The following KIF20A variants were observed in gnomAD, a reference collection of about 807,000 sequenced individuals.
KIF20A encodes kinesin-like protein KIF20A.
A neutral mutation model predicts 113.0 loss-of-function variants in KIF20A; 66 were observed. The ratio of observed to expected loss-of-function variants is 0.58; its 90% CI spans 0.48 to 0.72. The LOEUF (loss-of-function observed/expected upper bound fraction) is 0.72. Ranked by LOEUF, KIF20A falls within the 30% of genes least tolerant of loss-of-function variation. The pLI is 0.00. For synonymous variants in KIF20A, 376 were observed against 402.3 expected (o/e 0.93, Z 0.78); for missense variants, 927 against 1,077.6 (o/e 0.86, Z 1.96).
chr5:138,183,409 G>T lies in KIF20A; in HGVS notation c.1027+46G>T. The stretch of plus-strand genomic sequence containing the variant: ...CTGGCATGAACCCTGGAGGGCAACT[G>T]GGGAGAGACTGGCAAAAGAGTTGGA... On this transcript the variant is annotated intron_variant, in intron 8 of 18. Transcript: ENST00000394894. This position sits in a 1 kb window ranked among gnomAD's most constrained non-coding sequence, Gnocchi z 5.2. 6.2e-7 allele frequency: 1 copy of T among 1,612,230 alleles called. No individual in the cohort carries two copies. Among genetic ancestry groups the T allele is most frequent in the Non-Finnish European group, 8.5e-7 (1 of 1,178,352 alleles).
intron 4 of KIF20A, 63 bp downstream of exon 4, chr5:138,181,791 T>C: frequency 6.4e-7 from 1 of 1,574,146 alleles, no homozygotes; most frequent in Non-Finnish European, 8.7e-7. Flanking sequence ...ATTCCCTCTT[T>C]AGAGGGAAAG....
chr5:138,187,591 GTTTT>G lies in KIF20A; in HGVS notation c.*184_*187del, dbSNP rs201817182. The G allele has an allele frequency of 1.0e-5, 5 of 480,078 alleles. No homozygotes were observed. The highest frequency in any genetic ancestry group is 1.8e-5 in the Non-Finnish European group (5 of 276,580). The allele number at this position is 480,078 out of a possible 1,614,324, so 29.7% of individuals were successfully genotyped here. On this transcript the variant is annotated 3_prime_UTR_variant, in exon 19 of 19. Coordinates refer to ENST00000394894, the MANE Select transcript of KIF20A (RefSeq NM_005733.3). The stretch of plus-strand genomic sequence containing the variant: ...ACCACCTATGTAATCTCATGTTGTT[GTTTT>G]TTTTTATTTACTTATATGATTTCTA...
intron 16 of KIF20A, 116 bp downstream of exon 16, chr5:138,185,826 C>A: frequency 7.5e-7 from 1 of 1,326,416 alleles, no homozygotes; most frequent in East Asian, 2.4e-5. Flanking sequence ...GCTACATCCC[C>A]CTGACATTTC....
At chr5:138,182,178 G>C in intron 4 of KIF20A, 145 bp from the exon 5 acceptor site, 1 of 843,084 alleles carries the variant, frequency 1.2e-6, no homozygotes, top group Non-Finnish European at 1.9e-6. Context: ...TCAGTGTTTA[G>C]GGAACAGCCA....
chr5:138,186,451 C>A lies in KIF20A; in HGVS notation c.2355+20C>A, dbSNP rs1185271888. On this transcript the variant is annotated intron_variant, in intron 18 of 18. Transcript: ENST00000394894. ...AAACAGGTTAGGGCAAACTATATACCCACTTCTGTCCTACCAGCCCACTCC... is the reference window on the plus strand; with the variant it reads ...AAACAGGTTAGGGCAAACTATATACACACTTCTGTCCTACCAGCCCACTCC... The A allele has an allele frequency of 2.5e-6, 4 of 1,604,446 alleles. No homozygotes were observed. The South Asian group carries it at 4.5e-5, about 18-fold the overall frequency.
In KIF20A at chr5:138,182,669, G is replaced by C. The variant is rs750125537; in HGVS notation, c.598G>C (p.Asp200His). 2.4e-5 allele frequency: 38 copies of C among 1,613,996 alleles called. No homozygotes were observed. The highest frequency in any genetic ancestry group is 2.0e-4 in the Admixed American group (12 of 60,000). Residue 200 changes from aspartate to histidine, a missense_variant, in exon 6 of 19, where the codon GAT becomes CAT. Physicochemically the swap from Asp to His is moderately conservative, Grantham distance 81. Transcript: ENST00000394894. ...CCAAGGCCAACTTCATCCAACACCT[G>C]ATCTGAAGCCCTTGCTCTCCAATGA... Reference protein sequence around the residue: ...SLQGQLHPTPDLKPLLSNEVI... With the variant: ...SLQGQLHPTPHLKPLLSNEVI...
chr5:138,187,341 C>T lies in KIF20A; in HGVS notation c.2601C>T (p.Ser867=). 1 of 1,614,194 alleles carries T rather than the reference C, an allele frequency of 6.2e-7. No individual in the cohort carries two copies. The highest frequency in any genetic ancestry group is 8.5e-7 in the Non-Finnish European group (1 of 1,180,030). Residue 867 remains serine (S), a synonymous_variant, in exon 19 of 19, where the codon AGC becomes AGT. Transcript: ENST00000394894. ...CCTGCCAAAGCTCAACAGACTGCAG[C>T]CCTTATGCCCGGATCCTACGCTCAC... The part of the protein sequence containing the change: ...TPTCQSSTDC[S]PYARILRSRR...
chr5:138,184,447 GT>G, intron 12 of KIF20A, 43 bp downstream of exon 12: 1 of 1,612,824 alleles, frequency 6.2e-7, no homozygotes, highest in South Asian at 1.1e-5. Context: ...CTTGGAACTG[GT>G]AACTCTAAGA....
rs900399771 is a variant in KIF20A, at chr5:138,183,112, C to T, written c.833-57C>T. 2 of 1,602,304 alleles carry T rather than the reference C, an allele frequency of 1.2e-6. No homozygotes were observed. Among genetic ancestry groups the T allele is most frequent in the Admixed American group, 3.4e-5 (2 of 59,386 alleles). The stretch of plus-strand genomic sequence containing the variant: ...GTCTGCCTTCCAAGGCCCCTGCAGG[C>T]CAAAAGAGAGGTGAACTGCTCTAGG... On this transcript the variant is annotated intron_variant, in intron 7 of 18. Transcript: ENST00000394894. This position sits in a 1 kb window ranked among gnomAD's most constrained non-coding sequence, Gnocchi z 5.2.
chr5:138,183,001 T>G lies in KIF20A; in HGVS notation c.832+11T>G. The G allele has an allele frequency of 6.2e-7, 1 of 1,613,992 alleles. No individual in the cohort carries two copies. Among genetic ancestry groups the G allele is most frequent in the Non-Finnish European group, 8.5e-7 (1 of 1,179,988 alleles). On this transcript the variant is annotated intron_variant, in intron 7 of 18. Coordinates refer to ENST00000394894, the MANE Select transcript of KIF20A (RefSeq NM_005733.3). This position sits in a 1 kb window ranked among gnomAD's most constrained non-coding sequence, Gnocchi z 5.2. ...GTAGCCAGCTGGATGGTATGTACCG[T>G]GACTGGGCTCTGCCAAAAAATAGTA...
At position 138,185,151 on chromosome 5, in the gene KIF20A, A is replaced by G; in HGVS notation, c.1880A>G (p.Asn627Ser). 6.2e-7 allele frequency: 1 copy of G among 1,614,058 alleles called. No homozygotes were observed. The highest frequency in any genetic ancestry group is 8.5e-7 in the Non-Finnish European group (1 of 1,179,938). ...LLEEMYEEKL[N>S]ILKESLTSFY... ...GAGGAAATGTATGAAGAAAAACTAA[A>G]TATCCTCAAGGAGTCACTGACAAGT... The change falls in exon 15 of 19, where the codon AAT becomes AGT. Residue 627 changes from asparagine to serine, a missense_variant. Transcript: ENST00000394894.
chr5:138,179,332 G>A (rs1754591456), intron 1 of KIF20A, 130 bp downstream of exon 1: 1 of 285,904 alleles, frequency 3.5e-6, no homozygotes, highest in Non-Finnish European at 6.8e-6. Flanking sequence ...GTGGTCCTTG[G>A]GGTGAGGTTA....
chr5:138,184,669 G>A lies in KIF20A; in HGVS notation c.1676G>A (p.Gly559Asp), dbSNP rs777003279. Residue 559 changes from glycine (G) to aspartate (D), a missense_variant, in exon 13 of 19, where the codon GGC (glycine) becomes GAC (aspartate). Gly to Asp is a moderately conservative substitution (Grantham distance 94). Transcript: ENST00000394894. ...IENEADISMYGKEELLQVVEA... is the reference protein window; with the variant it reads ...IENEADISMYDKEELLQVVEA... Reference sequence around the variant, plus strand: ...AATGAAGCTGACATCTCCATGTATGGCAAAGAGGTGAGAATACAAGAAAGC... The same window carrying A: ...AATGAAGCTGACATCTCCATGTATGACAAAGAGGTGAGAATACAAGAAAGC... The A allele has an allele frequency of 3.7e-6, 6 of 1,613,988 alleles. No individual in the cohort carries two copies. The highest frequency in any genetic ancestry group is 5.1e-6 in the Non-Finnish European group (6 of 1,179,878).
At position 138,184,954 on chromosome 5, in the gene KIF20A, C is replaced by T. The variant is rs1303883581; in HGVS notation, c.1823+8C>T. ...GCGGGAACAGTGGTGCAGGTACTAG[C>T]TGAGTGACCCCTCTTGCTCTGTCAC... is the stretch of plus-strand genomic sequence containing the variant. On this transcript the variant is annotated splice_region_variant and intron_variant, in intron 14 of 18. Coordinates refer to ENST00000394894, the MANE Select transcript of KIF20A (RefSeq NM_005733.3). 6.2e-7 allele frequency: 1 copy of T among 1,613,414 alleles called. No individual in the cohort carries two copies. Among genetic ancestry groups the T allele is most frequent in the Non-Finnish European group, 8.5e-7 (1 of 1,179,660 alleles).
intron 15 of KIF20A, 52 bp downstream of exon 15, chr5:138,185,249 C>G (rs751297234): frequency 8.0e-7 from 1 of 1,250,334 alleles, no homozygotes; most frequent in Non-Finnish European, 1.2e-6. Context: ...CCATCACTAG[C>G]TTGCCTGAAG....
rs1472467059 is a variant in KIF20A, at chr5:138,186,387, C to A, written c.2311C>A (p.Leu771Ile). ...TTGCCACAGCACTGGGGCAGGAAAA[C>A]TTCGTCAAGCCTTGACCACTTGTGA... ...ACCHSTGAGK[L>I]RQALTTCDDI... Residue 771 changes from leucine to isoleucine, a missense_variant, in exon 18 of 19, where the codon CTT becomes ATT. Physicochemically the swap from Leu to Ile is conservative, Grantham distance 5 (BLOSUM62 2). Transcript: ENST00000394894. 9 of 1,610,824 alleles carry A rather than the reference C, an allele frequency of 5.6e-6. No homozygotes were observed. Among genetic ancestry groups the A allele is most frequent in the Non-Finnish European group, 6.8e-6 (8 of 1,179,396 alleles).
Position 138,181,833 on chromosome 5 carries a change from T to G in KIF20A, c.375+105T>G. The G allele has an allele frequency of 2.3e-6, 3 of 1,329,302 alleles. No individual in the cohort carries two copies. The Admixed American group carries it at 6.3e-5, about 28-fold the overall frequency. The allele number at this position is 1,329,302 out of a possible 1,614,324, so 82.3% of individuals were successfully genotyped here. On this transcript the variant is annotated intron_variant, in intron 4 of 18. Coordinates refer to ENST00000394894, the MANE Select transcript of KIF20A (RefSeq NM_005733.3). ...TTCCTGACTGTGAGTTCCTTGTATATGCACACCTACAATTTTGAGGGCCCT... is the reference window on the plus strand; with the variant it reads ...TTCCTGACTGTGAGTTCCTTGTATAGGCACACCTACAATTTTGAGGGCCCT...
At chr5:138,186,097 A>AGG in intron 17 of KIF20A, 45 bp downstream of exon 17, 1 of 1,565,412 alleles carries the variant, frequency 6.4e-7, no homozygotes, top group Non-Finnish European at 8.8e-7. Flanking sequence ...ACCTAAGGCA[A>AGG]TTTCCCACAT....
intron 4 of KIF20A, 136 bp from the exon 5 acceptor site, chr5:138,182,187 C>T: frequency 1.1e-6 from 1 of 901,516 alleles, no homozygotes; most frequent in Non-Finnish European, 1.7e-6. Flanking sequence ...AGGGAACAGC[C>T]AGCAGCATTG....
Sources: allele counts gnomAD v4.1 joint callset, GRCh38; gene constraint gnomAD v4.1.1; non-coding constraint Gnocchi (gnomAD v3.1); transcripts MANE v1.5; gene names NCBI Gene and HGNC (gene_info 2026-07-23, HGNC 2026-07-21).